FHIT: variants seen among roughly 807,000 people sequenced by gnomAD.
FHIT encodes fragile histidine triad diadenosine triphosphatase.
Under a neutral mutation model 17.9 loss-of-function variants are expected in FHIT, and 19 were observed. The ratio of observed to expected loss-of-function variants is 1.06; its 90% confidence interval spans 0.74 to 1.56. FHIT has a LOEUF of 1.56. FHIT is among the 40% of genes most tolerant of loss of function. The pLI is 0.00. For missense variants in FHIT, 248 were observed against 189.2 expected (o/e 1.31, Z -1.82); for synonymous variants, 81 against 69.7 (o/e 1.16, Z -0.81).
chr3:60,535,826 C>G (rs1374972811), intron 5 of FHIT: 1 of 142,844 alleles, frequency 7.0e-6, no homozygotes, highest in Non-Finnish European at 1.5e-5. Context: ...TTTTTTTTAG[C>G]ATACAATAGT....
chr3:61,195,011 G>A (rs534773926), intron 2 of FHIT, among the ~76,000 whole-genome samples: 2 of 147,788 alleles, frequency 1.4e-5, no homozygotes, highest in Non-Finnish European at 3.0e-5. Flanking sequence ...GGTGGTTAGT[G>A]GGGGGTGTGA....
chr3:60,096,187 C>T (rs183962423), intron 5 of FHIT, among the ~76,000 whole-genome samples: 87 of 152,190 alleles, frequency 5.7e-4, no homozygotes, highest in African/African-American at 1.2e-3. Flanking sequence ...TCTTGTCCTG[C>T]GCCCCAGCAG....
chr3:60,027,338 T>G (rs1360805813), intron 5 of FHIT, among the ~76,000 whole-genome samples: 1 of 152,176 alleles, frequency 6.6e-6, no homozygotes, highest in Non-Finnish European at 1.5e-5. Context: ...TATATTGTTA[T>G]TCCTCCTGAA....
At chr3:61,047,016 A>C (rs1306537023) in intron 2 of FHIT, among the ~76,000 whole-genome samples, 2 of 152,236 alleles carry the variant, frequency 1.3e-5, no homozygotes, top group Non-Finnish European at 2.9e-5. Context: ...GCTATTTATG[A>C]CAAACCCACA....
At chr3:60,518,728 G>A (rs184099328) in intron 5 of FHIT, among the ~76,000 whole-genome samples, 50 of 152,316 alleles carry the variant, frequency 3.3e-4, no homozygotes, top group African/African-American at 1.2e-3. Flanking sequence ...TTATATGCAG[G>A]CTGGGTGCGC....
At chr3:60,832,156 G>A (rs1281213258) in intron 3 of FHIT, among the ~76,000 whole-genome samples, 1 of 151,604 alleles carries the variant, frequency 6.6e-6, no homozygotes, top group African/African-American at 2.4e-5. Flanking sequence ...ATTAAAGTAT[G>A]CAATCTTCAC....
intron 2 of FHIT, among the ~76,000 whole-genome samples, chr3:61,123,623 T>C (rs758952039): frequency 3.3e-5 from 5 of 152,160 alleles, no homozygotes; most frequent in Non-Finnish European, 7.3e-5. Context: ...AAATCAAAGG[T>C]AGGCATGCAG....
intron 8 of FHIT, among the ~76,000 whole-genome samples, chr3:59,779,224 C>T (rs576017970): frequency 3.9e-5 from 6 of 152,272 alleles, no homozygotes; most frequent in Non-Finnish European, 7.4e-5. Flanking sequence ...TCATTAGGTG[C>T]CACTCAGACT....
chr3:60,315,926 A>G (rs977261986), intron 5 of FHIT, among the ~76,000 whole-genome samples: 15 of 152,176 alleles, frequency 9.9e-5, no homozygotes, highest in African/African-American at 3.6e-4. Flanking sequence ...TTTCTCCCCT[A>G]TAACTAGCAA....
At chr3:59,987,903 A>G (rs539236699) in intron 7 of FHIT, among the ~76,000 whole-genome samples, 47 of 152,214 alleles carry the variant, frequency 3.1e-4, no homozygotes, top group African/African-American at 1.1e-3. Flanking sequence ...AGCCTTAGGT[A>G]CATTTTAGTA....
At position 60,999,262 on chromosome 3, in the gene FHIT, T is replaced by A. The variant is rs981288242; in HGVS notation, c.-111+42785A>T. On this transcript the variant is annotated intron_variant, in intron 3 of 9. Coordinates refer to ENST00000492590, the MANE Select transcript of FHIT (RefSeq NM_002012.4). ...AAATATTAACAGCAACTGCAGAAGA[T>A]ATCACTGCAGATTTGAGTAAACTTT... Among the ~76,000 whole-genome samples the A allele has an allele frequency of 4.6e-5, 7 of 152,108 alleles. No individual in the cohort carries two copies. The South Asian group carries it at 1.5e-3, about 32-fold the overall frequency.
intron 4 of FHIT, among the ~76,000 whole-genome samples, chr3:60,772,314 CTATATATATATATATATATATATA>C (rs61056807): frequency 5.4e-4 from 77 of 143,394 alleles, no homozygotes; most frequent in African/African-American, 1.9e-3. Context: ...CACTTCTCAT[CTATATATATATATATATATATATA>C]TATATATATA....
At chr3:60,514,696 C>T (rs1489549705) in intron 5 of FHIT, among the ~76,000 whole-genome samples, 3 of 152,042 alleles carry the variant, frequency 2.0e-5, no homozygotes, top group Admixed American at 6.5e-5. Context: ...ACAACAACAA[C>T]GACAAAAATC....
intron 5 of FHIT, among the ~76,000 whole-genome samples, chr3:60,496,875 C>A (rs1423261631): frequency 6.6e-6 from 1 of 152,058 alleles, no homozygotes; most frequent in East Asian, 1.9e-4. Context: ...TGATTATGTA[C>A]AGCAGGACAC....
chr3:60,363,234 T>C (rs941922592), intron 5 of FHIT, among the ~76,000 whole-genome samples: 6 of 152,112 alleles, frequency 3.9e-5, no homozygotes, highest in Non-Finnish European at 8.8e-5. Context: ...CTCTACCCAG[T>C]TTGTGTCCCC....
At chr3:60,147,857 T>C (rs1410187769) in intron 5 of FHIT, among the ~76,000 whole-genome samples, 2 of 152,134 alleles carry the variant, frequency 1.3e-5, no homozygotes, top group Non-Finnish European at 2.9e-5. Flanking sequence ...CTAGGCCTAT[T>C]TGTGCATTTC....
intron 4 of FHIT, among the ~76,000 whole-genome samples, chr3:60,794,408 G>A (rs570664835): frequency 6.7e-6 from 1 of 149,536 alleles, no homozygotes; most frequent in Admixed American, 6.7e-5. Flanking sequence ...ATGGATGGAT[G>A]GATGGATGGA....
intron 3 of FHIT, among the ~76,000 whole-genome samples, chr3:60,884,073 A>T (rs1368129273): frequency 1.3e-5 from 2 of 152,210 alleles, no homozygotes; most frequent in Non-Finnish European, 2.9e-5. Context: ...GACATTTCTT[A>T]AAAGGAGACA....
intron 5 of FHIT, among the ~76,000 whole-genome samples, chr3:60,281,468 C>A (rs952293529): frequency 1.3e-5 from 2 of 152,058 alleles, no homozygotes; most frequent in African/African-American, 4.8e-5. Flanking sequence ...CAGCATGGTA[C>A]TGGTGACAGA....
Sources: gnomAD v4.1 joint callset for allele counts (sites outside exome capture counted in the v4.1 genomes callset) on GRCh38, gnomAD v4.1.1 for gene constraint, MANE v1.5 for transcripts, NCBI Gene and HGNC (gene_info 2026-07-23, HGNC 2026-07-21) for gene names.